The following COBL variants were observed in gnomAD, a reference collection of about 807,000 sequenced individuals.
COBL encodes cordon-bleu WH2 repeat protein.
In COBL, 51 loss-of-function variants were observed where a neutral mutation model predicts 98.8. That is an observed-to-expected ratio of 0.52 (90% CI 0.41 to 0.65). The LOEUF (loss-of-function observed/expected upper bound fraction) is 0.65, where lower values mean the gene tolerates loss of function less well. Ranked by LOEUF, COBL falls within the 30% of genes least tolerant of loss-of-function variation. The pLI is 0.00. For missense variants in COBL, 1,617 were observed against 1,617.5 expected, an observed-to-expected ratio of 1.00 and a Z score of 0.01; for synonymous variants, 634 against 651.7, an observed-to-expected ratio of 0.97 and a Z score of 0.41.
At chr7:51,043,328 A>C in intron 8 of COBL, 55 bp downstream of exon 8, 9 of 1,535,258 alleles carry the variant, frequency 5.9e-6, no homozygotes, top group Non-Finnish European at 8.0e-6. Context: ...GACCCTCTTT[A>C]GAGACACAGA....
chr7:51,179,219 TTTC>T (rs1788700018), intron 5 of COBL, among the ~76,000 whole-genome samples: 1 of 152,154 alleles, frequency 6.6e-6, no homozygotes, highest in African/African-American at 2.4e-5. Context: ...AGTGTTTAAC[TTTC>T]TTTTTTGTTT....
intron 9 of COBL, 112 bp from the exon 10 acceptor site, chr7:51,029,703 TAC>T: frequency 2.3e-6 from 2 of 872,686 alleles, no homozygotes; most frequent in East Asian, 5.2e-5. Context: ...ATTATTTATA[TAC>T]GTTTTAAAAT....
At chr7:51,177,697 C>T (rs556198292) in intron 5 of COBL, among the ~76,000 whole-genome samples, 32 of 151,660 alleles carry the variant, frequency 2.1e-4, no homozygotes, top group African/African-American at 7.7e-4. Context: ...CACTTGAACC[C>T]AGGAGGCAGA....
chr7:51,025,085 A>G lies in COBL; in HGVS notation c.3768+24T>C, dbSNP rs770128058. 13 of 1,611,762 alleles carry G rather than the reference A, an allele frequency of 8.1e-6. No individual in the cohort carries two copies. The African/African-American group carries it at 1.2e-4, about 15-fold the overall frequency. On this transcript the variant is annotated intron_variant, in intron 12 of 12. Transcript: ENST00000265136. ...CCTCCAACCCTCTGGCCCCATTGAA[A>G]TGCGCACACACAGTCGCCATCACCT...
At chr7:51,211,651 C>A (rs977257469) in intron 2 of COBL, among the ~76,000 whole-genome samples, 1 of 152,210 alleles carries the variant, frequency 6.6e-6, no homozygotes, top group Non-Finnish European at 1.5e-5. Flanking sequence ...AGATATTAGA[C>A]CCTTTCAAAG....
intron 1 of COBL, among the ~76,000 whole-genome samples, chr7:51,280,655 C>T (rs935658098): frequency 2.0e-5 from 3 of 152,172 alleles, no homozygotes; most frequent in Admixed American, 2.0e-4. Flanking sequence ...CACTGAGACA[C>T]TTTGGAGAGG....
intron 12 of COBL, among the ~76,000 whole-genome samples, chr7:51,020,602 C>T (rs1366093937): frequency 6.6e-6 from 1 of 152,232 alleles, no homozygotes; most frequent in Middle Eastern, 3.2e-3. Context: ...CAGTCAGACG[C>T]ATACAGCTTT....
Position 51,184,255 on chromosome 7 carries a change from C to T in COBL, c.686-56G>A. 3.0e-6 allele frequency: 3 copies of T among 993,296 alleles called. No homozygotes were observed. The East Asian group carries it at 8.2e-5, about 27-fold the overall frequency. 61.5% of individuals were successfully genotyped at this position (993,296 alleles called of 1,614,324 possible). On this transcript the variant is annotated intron_variant, in intron 4 of 12. Transcript: ENST00000265136. ...AGCATCTGAAACAAGAGATTCAATA[C>T]TTTACTTAAAAAATCTTAATAAATG...
rs534097711 is a variant in COBL, at chr7:51,173,173, A to C, written c.783+10929T>G. 1.6e-3 allele frequency among the ~76,000 whole-genome samples: 250 copies of C among 151,546 alleles called. 8 individuals are homozygous for C. In the South Asian group the frequency reaches 0.051, roughly 31 times the overall value. On this transcript the variant is annotated intron_variant, in intron 5 of 12. Coordinates refer to ENST00000265136, the MANE Select transcript of COBL (RefSeq NM_015198.5). ...AATTAATTAGGTTTTGAGGACTTCA[A>C]AGTTTTTTGTTTTTTGTTTTTTGTT... is the stretch of plus-strand genomic sequence containing the variant.
chr7:51,029,230 C>A lies in COBL; in HGVS notation c.1866G>T (p.Gly622=), dbSNP rs957589977. The A allele has an allele frequency of 6.2e-7, 1 of 1,613,906 alleles. No homozygotes were observed. The highest frequency in any genetic ancestry group is 2.2e-5 in the East Asian group (1 of 44,878). ...CCCTGGGCGCCGTTTCCATTAGATT[C>A]CCATCTTTAGAGATGTTAGATAAGG... is the stretch of plus-strand genomic sequence containing the variant. The part of the protein sequence containing the change: ...RVALSNISKD[G]NLMETAPRVT... Residue 622 remains glycine (G), a synonymous_variant, in exon 10 of 13, where the codon GGG becomes GGT. Transcript: ENST00000265136.
intron 7 of COBL, among the ~76,000 whole-genome samples, chr7:51,051,066 A>C (rs1790187280): frequency 6.6e-6 from 1 of 152,180 alleles, no homozygotes; most frequent in African/African-American, 2.4e-5. Context: ...AATCTAACTT[A>C]GGAGGGTATA....
intron 4 of COBL, among the ~76,000 whole-genome samples, chr7:51,188,569 G>A (rs1464560971): frequency 6.6e-6 from 1 of 152,222 alleles, no homozygotes; most frequent in Non-Finnish European, 1.5e-5. Context: ...CCCCCATGGT[G>A]GGGAAGCTCG....
chr7:51,171,079 T>C, intron 5 of COBL, among the ~76,000 whole-genome samples: 1 of 152,092 alleles, frequency 6.6e-6, no homozygotes, highest in Non-Finnish European at 1.5e-5. Context: ...TTAAGAAAAT[T>C]TTAAAGAGCC....
intron 7 of COBL, among the ~76,000 whole-genome samples, chr7:51,059,967 G>A (rs1791162019): frequency 6.6e-6 from 1 of 152,062 alleles, no homozygotes; most frequent in Non-Finnish European, 1.5e-5. Flanking sequence ...GGAGACATCT[G>A]CTCCTGATTT....
At chr7:51,077,160 T>C (rs1255180818) in intron 7 of COBL, among the ~76,000 whole-genome samples, 3 of 152,198 alleles carry the variant, frequency 2.0e-5, no homozygotes, top group Non-Finnish European at 4.4e-5. Flanking sequence ...GGTTTAGACA[T>C]GCACATAAAG....
At chr7:51,056,596 A>C (rs948475806) in intron 7 of COBL, among the ~76,000 whole-genome samples, 3 of 152,178 alleles carry the variant, frequency 2.0e-5, no homozygotes, top group Admixed American at 2.0e-4. Context: ...TTAAATAGCA[A>C]AGACTGTGAA....
In COBL at chr7:51,102,237, C is replaced by T. The variant is rs551794546; in HGVS notation, c.958-16933G>A. ...TCAGGACTGATTTTTAAATGCCTCC[C>T]GTCTGGCATATGGTAGGAAGGAAAC... On this transcript the variant is annotated intron_variant, in intron 6 of 12. Transcript: ENST00000265136. Among the ~76,000 whole-genome samples the T allele has an allele frequency of 2.1e-4, 32 of 152,204 alleles. No homozygotes were observed. The South Asian group carries it at 5.8e-3, about 28-fold the overall frequency.
chr7:51,146,246 G>T (rs1000263732), intron 5 of COBL, among the ~76,000 whole-genome samples: 2 of 152,202 alleles, frequency 1.3e-5, no homozygotes, highest in African/African-American at 4.8e-5. Context: ...GTCTGTTTAA[G>T]TAAATCACTC....
In COBL at chr7:51,193,907, C is replaced by T. The variant is rs1790358483; in HGVS notation, c.246-318G>A. On this transcript the variant is annotated intron_variant, in intron 2 of 12. Transcript: ENST00000265136. ...TCTGTTAGCACAAATATTTTTCATG[C>T]ATACAAGACACTAAATTTTCAGTTA... Among the ~76,000 whole-genome samples, 3 of 152,254 alleles carry T rather than the reference C, an allele frequency of 2.0e-5. No homozygotes were observed. The South Asian group carries it at 6.2e-4, about 32-fold the overall frequency.
Sources: gnomAD v4.1 joint callset for allele counts (sites outside exome capture counted in the v4.1 genomes callset) on GRCh38, gnomAD v4.1.1 for gene constraint, MANE v1.5 for transcripts, NCBI Gene and HGNC (gene_info 2026-07-23, HGNC 2026-07-21) for gene names.